The following ALDH1A1 variants were observed in gnomAD, a reference collection of about 807,000 sequenced individuals.
The protein encoded by ALDH1A1 is aldehyde dehydrogenase 1 family member A1.
ALDH1A1 carries 19 observed loss-of-function variants against 62.1 expected under a neutral mutation model. That is an observed-to-expected ratio of 0.31 (90% CI 0.21 to 0.45). The LOEUF (loss-of-function observed/expected upper bound fraction) is 0.45, where lower values mean the gene tolerates loss of function less well. Ranked by LOEUF, ALDH1A1 falls within the 20% of genes least tolerant of loss-of-function variation. The pLI, the probability that ALDH1A1 is intolerant of heterozygous loss-of-function variation, is 1.00. For synonymous variants in ALDH1A1, 231 were observed against 215.9 expected (o/e 1.07, Z -0.61); for missense variants, 521 against 607.1 (o/e 0.86, Z 1.49).
intron 4 of ALDH1A1, among the ~76,000 whole-genome samples, chr9:72,928,691 A>G (rs1480314478): frequency 6.6e-6 from 1 of 152,238 alleles, no homozygotes; most frequent in East Asian, 1.9e-4. Flanking sequence ...CTTCATGATT[A>G]TGCTGAAACA....
chr9:72,921,503 C>CTTTTTTTTTTTTTTTTTATTTT (rs11327072), intron 7 of ALDH1A1, among the ~76,000 whole-genome samples: 2 of 109,506 alleles, frequency 1.8e-5, no homozygotes, highest in African/African-American at 3.5e-5. Context: ...ACATTTAATT[C>CTTTTTTTTTTTTTTTTTATTTT]TTTTTTTTTT....
chr9:72,932,568 T>G (rs1253626102), intron 2 of ALDH1A1, among the ~76,000 whole-genome samples: 1 of 152,212 alleles, frequency 6.6e-6, no homozygotes, highest in Non-Finnish European at 1.5e-5. Flanking sequence ...CACTGATATA[T>G]CTCACTGTCT....
At chr9:72,902,829 C>T (rs1354299291) in intron 12 of ALDH1A1, among the ~76,000 whole-genome samples, 1 of 151,958 alleles carries the variant, frequency 6.6e-6, no homozygotes, top group East Asian at 1.9e-4. Context: ...CTTCTAAAAT[C>T]TTCAATGTAC....
At chr9:72,909,826 GA>G (rs1829958568) in intron 10 of ALDH1A1, 67 bp from the exon 11 acceptor site, 6 of 1,373,490 alleles carry the variant, frequency 4.4e-6, no homozygotes, top group Middle Eastern at 2.7e-4. Flanking sequence ...TGATATCGTA[GA>G]TTTTTTTTCC....
At chr9:72,934,762 A>G (rs1830328062) in intron 2 of ALDH1A1, among the ~76,000 whole-genome samples, 1 of 152,182 alleles carries the variant, frequency 6.6e-6, no homozygotes, top group African/African-American at 2.4e-5. Context: ...AAAGCCCCAT[A>G]GTTACTATTA....
At chr9:72,928,163 G>T (rs1260380834) in intron 4 of ALDH1A1, among the ~76,000 whole-genome samples, 1 of 151,302 alleles carries the variant, frequency 6.6e-6, no homozygotes, top group Non-Finnish European at 1.5e-5. Context: ...GCACATCAGG[G>T]CCAGTCCTGG....
At chr9:72,927,944 T>C (rs1354264481) in intron 4 of ALDH1A1, among the ~76,000 whole-genome samples, 5 of 151,504 alleles carry the variant, frequency 3.3e-5, no homozygotes, top group Non-Finnish European at 5.9e-5. Context: ...TCAATTCTGT[T>C]CTAGTTCCCA....
chr9:72,909,050 C>A (rs1461953020), intron 11 of ALDH1A1, among the ~76,000 whole-genome samples: 2 of 150,012 alleles, frequency 1.3e-5, no homozygotes, highest in Admixed American at 1.3e-4. Flanking sequence ...CTTGGCAATT[C>A]TTATATTGTA....
intron 3 of ALDH1A1, 33 bp downstream of exon 3, chr9:72,930,846 T>C: frequency 6.2e-7 from 1 of 1,613,224 alleles, no homozygotes; most frequent in South Asian, 1.1e-5. Context: ...TTTTGAGAGC[T>C]CTAGCTACCC....
chr9:72,924,787 C>A (rs1830183759), intron 6 of ALDH1A1, among the ~76,000 whole-genome samples: 2 of 152,118 alleles, frequency 1.3e-5, no homozygotes. Context: ...TAAATAATAT[C>A]TTTAAAAGAT....
At chr9:72,903,944 C>A (rs1829840155) in intron 12 of ALDH1A1, among the ~76,000 whole-genome samples, 1 of 151,932 alleles carries the variant, frequency 6.6e-6, no homozygotes, top group African/African-American at 2.4e-5. Context: ...TTAGTTTTGC[C>A]AAGAGATTCT....
rs1411516651 is a variant in ALDH1A1, at chr9:72,901,296, A to G, written c.1434-16T>C. 10 of 1,568,634 alleles carry G rather than the reference A, an allele frequency of 6.4e-6. No individual in the cohort carries two copies. Among genetic ancestry groups the G allele is most frequent in the Non-Finnish European group, 7.9e-6 (9 of 1,143,566 alleles). ...GTACTCTCCCCTAGAGAGAAGAAAAACATACCCACAAACACCATTTAGCAC... is the reference window on the plus strand; with the variant it reads ...GTACTCTCCCCTAGAGAGAAGAAAAGCATACCCACAAACACCATTTAGCAC... On this transcript the variant is annotated splice_polypyrimidine_tract_variant and intron_variant, in intron 12 of 12. Transcript: ENST00000297785.
chr9:72,902,247 C>T (rs1384373931), intron 12 of ALDH1A1, among the ~76,000 whole-genome samples: 1 of 151,978 alleles, frequency 6.6e-6, no homozygotes, highest in Non-Finnish European at 1.5e-5. Flanking sequence ...AAAGATTGGG[C>T]TCAGTTATTC....
At chr9:72,909,485 G>T in intron 11 of ALDH1A1, 117 bp downstream of exon 11, 2 of 1,049,948 alleles carry the variant, frequency 1.9e-6, no homozygotes. Flanking sequence ...GGCAGCAACT[G>T]CTTTTCTAGA....
At chr9:72,941,440 A>G (rs1037447180) in intron 1 of ALDH1A1, among the ~76,000 whole-genome samples, 8 of 152,150 alleles carry the variant, frequency 5.3e-5, no homozygotes, top group Non-Finnish European at 1.0e-4. Context: ...AATTCATTCT[A>G]TATTCTGTGA....
At chr9:72,922,232 A>G (rs1218931535) in intron 7 of ALDH1A1, among the ~76,000 whole-genome samples, 2 of 152,166 alleles carry the variant, frequency 1.3e-5, no homozygotes, top group African/African-American at 4.8e-5. Context: ...AGTAAATTTG[A>G]TCTCATCTCC....
At chr9:72,932,725 A>G (rs1165861548) in intron 2 of ALDH1A1, among the ~76,000 whole-genome samples, 4 of 152,240 alleles carry the variant, frequency 2.6e-5, no homozygotes, top group Admixed American at 6.5e-5. Context: ...CACACGTTCT[A>G]ACTTTTTCCT....
intron 12 of ALDH1A1, among the ~76,000 whole-genome samples, 190 bp from the exon 13 acceptor site, chr9:72,901,470 G>C (rs1315126587): frequency 6.6e-6 from 1 of 152,020 alleles, no homozygotes; most frequent in Non-Finnish European, 1.5e-5. Flanking sequence ...AGATTCCCTT[G>C]TGGGGAAAAT....
chr9:72,943,768 C>T (rs965529758), intron 1 of ALDH1A1, among the ~76,000 whole-genome samples: 4 of 152,048 alleles, frequency 2.6e-5, no homozygotes. Context: ...TTAGCCATGG[C>T]CTCTGCTCTC....
Sources: allele counts gnomAD v4.1 joint callset (sites outside exome capture counted in the v4.1 genomes callset), GRCh38; gene constraint gnomAD v4.1.1; transcripts MANE v1.5; gene names NCBI Gene and HGNC (gene_info 2026-07-23, HGNC 2026-07-21).